Variants in CDC42BPA observed in about 807,000 individuals in gnomAD.
CDC42BPA encodes serine/threonine-protein kinase MRCK alpha.
CDC42BPA carries 80 observed loss-of-function variants against 223.5 expected under a neutral mutation model. That is an observed-to-expected ratio of 0.36 (90% confidence interval 0.30 to 0.43). The LOEUF (loss-of-function observed/expected upper bound fraction) is 0.43, where lower values mean the gene tolerates loss of function less well. Ranked by LOEUF, CDC42BPA falls within the 20% of genes least tolerant of loss-of-function variation. The pLI is 1.00. For missense variants in CDC42BPA, 1,743 were observed against 2,099.9 expected (o/e 0.83, Z 3.32); for synonymous variants, 694 against 718.6 (o/e 0.97, Z 0.55).
intron 10 of CDC42BPA, among the ~76,000 whole-genome samples, chr1:227,137,555 A>G (rs1324774697): frequency 6.6e-6 from 1 of 152,042 alleles, no homozygotes; most frequent in Non-Finnish European, 1.5e-5. Flanking sequence ...AAATAAATAG[A>G]TAAGTATATT....
At chr1:227,298,925 T>C (rs1691167745) in intron 1 of CDC42BPA, among the ~76,000 whole-genome samples, 1 of 152,226 alleles carries the variant, frequency 6.6e-6, no homozygotes, top group Admixed American at 6.5e-5. Flanking sequence ...TATGCTAGAA[T>C]AGAATCATAT....
chr1:227,264,648 C>A lies in CDC42BPA; in HGVS notation c.179-10493G>T. The A allele has an allele frequency of 5.5e-6, 3 of 541,538 alleles. 1 individual carries two copies. The highest frequency in any genetic ancestry group is 3.8e-5 in the African/African-American group (2 of 52,336). The allele number at this position is 541,538 out of a possible 1,614,324, so 33.5% of individuals were successfully genotyped here. A position where few individuals can be genotyped will look rare whatever the true frequency, so the allele number is the denominator to read the frequency against. On this transcript the variant is annotated intron_variant, in intron 1 of 36. Coordinates refer to ENST00000366766, the MANE Select transcript of CDC42BPA (RefSeq NM_001394014.1). ...AGAGTATACATTAATTAATGTTGCC[C>A]TAAGTTTTACCAGTTTTAAAAATTT...
At chr1:227,247,729 A>G (rs1681238067) in intron 2 of CDC42BPA, among the ~76,000 whole-genome samples, 1 of 152,072 alleles carries the variant, frequency 6.6e-6, no homozygotes, top group Non-Finnish European at 1.5e-5. Flanking sequence ...TATTAAAAAT[A>G]CAAAAATTAG....
At chr1:227,237,930 T>TAAGG in intron 2 of CDC42BPA, among the ~76,000 whole-genome samples, 2 of 148,918 alleles carry the variant, frequency 1.3e-5, no homozygotes, top group African/African-American at 5.0e-5. Context: ...TCCCAACTAC[T>TAAGG]CGGGAGGCTA....
chr1:227,255,112 G>A (rs1682817342), intron 1 of CDC42BPA, among the ~76,000 whole-genome samples: 1 of 152,166 alleles, frequency 6.6e-6, no homozygotes, highest in African/African-American at 2.4e-5. Flanking sequence ...AATGATTAGA[G>A]CAATTACATA....
chr1:227,276,924 G>T (rs139079487), intron 1 of CDC42BPA, among the ~76,000 whole-genome samples: 14,877 of 151,904 alleles, frequency 0.098, 1,167 homozygotes, highest in East Asian at 0.36. Context: ...AGTACCCAGG[G>T]ACACAAACAC....
chr1:227,146,251 C>T (rs748683417), intron 7 of CDC42BPA, among the ~76,000 whole-genome samples: 25 of 152,104 alleles, frequency 1.6e-4, no homozygotes, highest in Non-Finnish European at 2.6e-4. Context: ...ATTCAAGTAA[C>T]TTTCTCAACA....
rs1364942049 is a variant in CDC42BPA, at chr1:227,017,023, G to A, written c.4643C>T (p.Thr1548Ile). Residue 1548 changes from threonine to isoleucine, a missense_variant, in exon 33 of 37, where the codon ACA (threonine) becomes ATA (isoleucine). Around this residue, in one of 6 missense-constraint regions of CDC42BPA, gnomAD observed 44 missense variants for 81.0 expected, o/e 0.54. Coordinates refer to ENST00000366766, the MANE Select transcript of CDC42BPA (RefSeq NM_001394014.1). ...AEGDELVVPE[T>I]SDNSRKQMVR... Reference sequence around the variant, plus strand: ...CATTTGTTTCCGACTATTATCTGATGTTTCAGGTACTACCAGTTCGTCCCC... The same window carrying A: ...CATTTGTTTCCGACTATTATCTGATATTTCAGGTACTACCAGTTCGTCCCC... 1 of 1,612,140 alleles carries A rather than the reference G, an allele frequency of 6.2e-7. No individual in the cohort carries two copies. The highest frequency in any genetic ancestry group is 8.5e-7 in the Non-Finnish European group (1 of 1,178,822).
intron 21 of CDC42BPA, among the ~76,000 whole-genome samples, chr1:227,057,956 C>A (rs745342419): frequency 2.0e-5 from 3 of 152,068 alleles, no homozygotes; most frequent in Non-Finnish European, 4.4e-5. Context: ...ATTGAAAAAA[C>A]AGCAAGTAGT....
chr1:227,056,704 T>C (rs1465505993), intron 21 of CDC42BPA, among the ~76,000 whole-genome samples: 1 of 152,224 alleles, frequency 6.6e-6, no homozygotes, highest in Non-Finnish European at 1.5e-5. Flanking sequence ...ATCCAGTTTC[T>C]ATCAATTTTC....
intron 29 of CDC42BPA, among the ~76,000 whole-genome samples, chr1:227,030,041 G>A (rs1156805354): frequency 6.6e-6 from 1 of 151,778 alleles, no homozygotes; most frequent in African/African-American, 2.4e-5. Context: ...GCTGAGGCAG[G>A]AGAATCTCTT....
intron 2 of CDC42BPA, among the ~76,000 whole-genome samples, chr1:227,247,882 AAAAT>A (rs940860997): frequency 6.6e-6 from 1 of 152,120 alleles, no homozygotes; most frequent in Non-Finnish European, 1.5e-5. Flanking sequence ...ACTCCATCTC[AAAAT>A]AAATAAATAA....
chr1:226,998,949 GA>G (rs1329574806), intron 35 of CDC42BPA, among the ~76,000 whole-genome samples: 1 of 151,432 alleles, frequency 6.6e-6, no homozygotes, highest in African/African-American at 2.4e-5. Context: ...AAATTTACAA[GA>G]AAAAAAACCA....
At chr1:227,110,219 T>A (rs1002144756) in intron 14 of CDC42BPA, among the ~76,000 whole-genome samples, 6 of 151,380 alleles carry the variant, frequency 4.0e-5, no homozygotes, top group African/African-American at 1.5e-4. Flanking sequence ...TTTGTAGGGC[T>A]ATTTCTCTCT....
intron 21 of CDC42BPA, among the ~76,000 whole-genome samples, chr1:227,058,509 T>C (rs1179035242): frequency 2.6e-5 from 4 of 152,204 alleles, no homozygotes; most frequent in African/African-American, 4.8e-5. Flanking sequence ...ACTTTCCTTT[T>C]GAATGTTACT....
chr1:227,130,194 T>C (rs1656778806), intron 10 of CDC42BPA, among the ~76,000 whole-genome samples: 1 of 152,212 alleles, frequency 6.6e-6, no homozygotes, highest in Non-Finnish European at 1.5e-5. Flanking sequence ...CTGCTATTTA[T>C]GGAGGGATTC....
chr1:227,165,649 G>A (rs908382089), intron 5 of CDC42BPA, among the ~76,000 whole-genome samples: 1 of 152,124 alleles, frequency 6.6e-6, no homozygotes, highest in Admixed American at 6.5e-5. Context: ...AGAATGCAGG[G>A]AGGAAAAGTA....
intron 3 of CDC42BPA, among the ~76,000 whole-genome samples, chr1:227,203,371 A>G (rs1300971981): frequency 1.3e-5 from 2 of 152,094 alleles, no homozygotes; most frequent in African/African-American, 4.8e-5. Context: ...TACAATGCAC[A>G]CGACAACCCC....
At chr1:227,083,281 A>ATTT (rs1001851082) in intron 16 of CDC42BPA, among the ~76,000 whole-genome samples, 4 of 146,774 alleles carry the variant, frequency 2.7e-5, no homozygotes, top group Non-Finnish European at 6.0e-5. Flanking sequence ...AGTCTAAAAA[A>ATTT]TTTTTTTTTA....
Sources: allele counts gnomAD v4.1 joint callset (sites outside exome capture counted in the v4.1 genomes callset), GRCh38; gene constraint gnomAD v4.1.1; regional missense constraint gnomAD v4.1.1; transcripts MANE v1.5; gene names NCBI Gene and HGNC (gene_info 2026-07-23, HGNC 2026-07-21).